ARHGAP6: variants seen among roughly 807,000 people sequenced by gnomAD.
ARHGAP6 encodes the protein rho GTPase-activating protein 6.
ARHGAP6 carries 16 observed loss-of-function variants against 55.7 expected under a neutral mutation model. That is an observed-to-expected ratio of 0.29 (90% CI 0.19 to 0.44). ARHGAP6 has a LOEUF of 0.44. ARHGAP6 is among the 20% of genes least tolerant of loss of function. The pLI is 1.00. For missense variants in ARHGAP6, 698 were observed against 808.9 expected (o/e 0.86, Z 1.66); for synonymous variants, 382 against 360.9 (o/e 1.06, Z -0.66).
At chrX:11,518,589 C>CA (rs1431571550) in intron 1 of ARHGAP6, among the ~76,000 whole-genome samples, 2 of 105,229 alleles carry the variant, frequency 1.9e-5, no homozygotes, top group Non-Finnish European at 3.9e-5. Context: ...TTTCTCCCCT[C>CA]AAAAAAATCT....
chrX:11,653,527 G>A (rs66462784), intron 1 of ARHGAP6, among the ~76,000 whole-genome samples: 14,134 of 111,942 alleles, frequency 0.13, 794 homozygotes, highest in Middle Eastern at 0.24. Context: ...CTTTAGCTTA[G>A]GTCTTACCTT....
At chrX:11,148,379 TG>T (rs2045726968) in intron 10 of ARHGAP6, among the ~76,000 whole-genome samples, 2 of 111,380 alleles carry the variant, frequency 1.8e-5, no homozygotes, top group Admixed American at 9.5e-5. Context: ...TTCAGAATGT[TG>T]GGTGAATGAG....
intron 1 of ARHGAP6, among the ~76,000 whole-genome samples, chrX:11,657,972 A>C (rs991963009): frequency 3.4e-4 from 38 of 112,152 alleles, no homozygotes; most frequent in African/African-American, 1.2e-3. Context: ...GAATAGTTTC[A>C]GTACGTAATC....
chrX:11,279,879 T>C (rs1357918577), intron 1 of ARHGAP6, among the ~76,000 whole-genome samples: 2 of 111,609 alleles, frequency 1.8e-5, no homozygotes, highest in Non-Finnish European at 3.8e-5. Flanking sequence ...ACATAAAAAG[T>C]GGCTGAGCCA....
At chrX:11,279,603 T>C (rs768485198) in intron 1 of ARHGAP6, among the ~76,000 whole-genome samples, 2 of 111,122 alleles carry the variant, frequency 1.8e-5, no homozygotes, top group African/African-American at 6.5e-5. Flanking sequence ...TTTTCAGATA[T>C]GCATTATCCT....
chrX:11,261,109 C>A (rs1278377379), intron 1 of ARHGAP6, among the ~76,000 whole-genome samples: 6 of 111,854 alleles, frequency 5.4e-5, no homozygotes, highest in Non-Finnish European at 1.1e-4. Context: ...CCAACCCATA[C>A]AATGTTGTAT....
intron 1 of ARHGAP6, among the ~76,000 whole-genome samples, chrX:11,392,292 T>A (rs758164112): frequency 5.4e-5 from 6 of 111,804 alleles, no homozygotes; most frequent in Non-Finnish European, 7.5e-5. Context: ...TCTGCATGGC[T>A]GTTTCCTGTT....
intron 1 of ARHGAP6, among the ~76,000 whole-genome samples, chrX:11,467,217 T>C (rs1282561802): frequency 9.0e-6 from 1 of 110,808 alleles, no homozygotes; most frequent in Non-Finnish European, 1.9e-5. Flanking sequence ...GGCGGGAGGA[T>C]TGCTTGATCC....
chrX:11,407,360 T>A (rs1400115946), intron 1 of ARHGAP6, among the ~76,000 whole-genome samples: 10 of 112,608 alleles, frequency 8.9e-5, no homozygotes, highest in Non-Finnish European at 1.9e-4. Flanking sequence ...TAATATTCTC[T>A]TGTATGGTTG....
intron 1 of ARHGAP6, among the ~76,000 whole-genome samples, chrX:11,621,633 T>C (rs947641065): frequency 9.0e-6 from 1 of 111,064 alleles, no homozygotes; most frequent in South Asian, 3.8e-4. Flanking sequence ...TAAAGGAGCA[T>C]TTAAGAATCA....
chrX:11,391,370 T>G (rs929169982), intron 1 of ARHGAP6, among the ~76,000 whole-genome samples: 3 of 110,012 alleles, frequency 2.7e-5, no homozygotes, highest in African/African-American at 1.0e-4. Context: ...TGTAAATAAC[T>G]AGTTAATGGG....
chrX:11,523,911 T>C (rs1457831340), intron 1 of ARHGAP6, among the ~76,000 whole-genome samples: 1 of 111,803 alleles, frequency 8.9e-6, no homozygotes, highest in African/African-American at 3.3e-5. Flanking sequence ...TCTGGGTTTA[T>C]AAGCAGGCTC....
intron 1 of ARHGAP6, among the ~76,000 whole-genome samples, chrX:11,438,515 A>G (rs1459137723): frequency 8.9e-6 from 1 of 112,799 alleles, no homozygotes; most frequent in Non-Finnish European, 1.9e-5. Context: ...GAAGCTCTGT[A>G]TCAATGTTTG....
At chrX:11,482,287 T>C (rs778916222) in intron 1 of ARHGAP6, among the ~76,000 whole-genome samples, 2 of 111,844 alleles carry the variant, frequency 1.8e-5, no homozygotes, top group Non-Finnish European at 3.8e-5. Flanking sequence ...AAAGCCTAAA[T>C]GGGGAAAAGA....
chrX:11,419,220 T>C (rs2049790623), intron 1 of ARHGAP6, among the ~76,000 whole-genome samples: 1 of 112,286 alleles, frequency 8.9e-6, no homozygotes, highest in South Asian at 3.7e-4. Context: ...GTGTTGCTAA[T>C]TGCTGGGTGC....
intron 4 of ARHGAP6, 22 bp downstream of exon 4, chrX:11,188,706 G>A: frequency 2.5e-6 from 3 of 1,202,546 alleles, no homozygotes; most frequent in Non-Finnish European, 3.4e-6. Flanking sequence ...ACTGGTGTCA[G>A]AGCAAATACT....
At chrX:11,296,537 A>C (rs1345977300) in intron 1 of ARHGAP6, among the ~76,000 whole-genome samples, 2 of 112,075 alleles carry the variant, frequency 1.8e-5, no homozygotes, top group Admixed American at 9.4e-5. Flanking sequence ...AACCCCAGGA[A>C]CAGTCATTTA....
At chrX:11,411,183 T>TATATATATATA (rs2049676180) in intron 1 of ARHGAP6, among the ~76,000 whole-genome samples, 2 of 31,791 alleles carry the variant, frequency 6.3e-5, no homozygotes, top group African/African-American at 9.8e-5. Flanking sequence ...CAGACATTAT[T>TATATATATATA]TATATATATA....
chrX:11,484,467 A>G (rs1484552273), intron 1 of ARHGAP6, among the ~76,000 whole-genome samples: 1 of 105,802 alleles, frequency 9.5e-6, no homozygotes, highest in Non-Finnish European at 1.9e-5. Context: ...GAGGAAGATG[A>G]AGAGGAAGAA....
Sources: gnomAD v4.1 joint callset for allele counts (sites outside exome capture counted in the v4.1 genomes callset) on GRCh38, gnomAD v4.1.1 for gene constraint, MANE v1.5 for transcripts, NCBI Gene and HGNC (gene_info 2026-07-23, HGNC 2026-07-21) for gene names.